Variants in ZNF736 observed in about 807,000 individuals in gnomAD.
ZNF736 encodes KRAB-containing zinc-finger repressor protein.
In ZNF736, 6 loss-of-function variants were observed where a neutral mutation model predicts 11.7. The observed-to-expected ratio is 0.51, with a 90% confidence interval of 0.28 to 1.01. ZNF736 has a LOEUF of 1.01. ZNF736 is among the 50% of genes least tolerant of loss of function. ZNF736 has a pLI of 0.09. For synonymous variants in ZNF736, 139 were observed against 164.7 expected (o/e 0.84, Z 1.19); for missense variants, 444 against 496.0 (o/e 0.90, Z 1.00).
In ZNF736 at chr7:64,353,924, A is replaced by G. The variant is rs1046039897; in HGVS notation, c.*4777A>G. 3.3e-5 allele frequency: 5 copies of G among 152,216 alleles called. No homozygotes were observed. Among genetic ancestry groups the G allele is most frequent in the South Asian group, 2.1e-4 (1 of 4,836 alleles). 9.4% of individuals were successfully genotyped at this position (152,216 alleles called of 1,614,324 possible). A position where few individuals can be genotyped will look rare whatever the true frequency, so the allele number is the denominator to read the frequency against. ...AAACCAAAATTATTGTTATTGTGTT[A>G]AGGCTATTTTACATTGAATGTGTAT... On this transcript the variant is annotated 3_prime_UTR_variant, in exon 4 of 4. Transcript: ENST00000423484.
rs1286436320 is a variant in ZNF736 at position 64,348,894 on chromosome 7, A to G, written c.1031A>G (p.Glu344Gly). 1.4e-5 allele frequency: 22 copies of G among 1,608,750 alleles called. No homozygotes were observed. The highest frequency in any genetic ancestry group is 1.8e-5 in the Non-Finnish European group (21 of 1,177,366). ...ACTGGAGAGAAACCCTACATCTGTG[A>G]AGAATGTGGCAAAGCCTTTACCCGC... Reference protein sequence around the residue: ...IHTGEKPYICEECGKAFTRSS... With the variant: ...IHTGEKPYICGECGKAFTRSS... The change falls in exon 4 of 4, where the codon GAA becomes GGA. Residue 344 changes from glutamate (E) to glycine (G), a missense_variant. Transcript: ENST00000423484.
chr7:64,348,162 T>C lies in ZNF736; in HGVS notation c.299T>C (p.Leu100Pro), dbSNP rs2115969699. Residue 100 changes from leucine to proline, a missense_variant, in exon 4 of 4, where the codon CTG becomes CCG. Physicochemically the swap from Leu to Pro is moderately conservative, Grantham distance 98 (BLOSUM62 -3). Coordinates refer to ENST00000423484, the MANE Select transcript of ZNF736 (RefSeq NM_001170905.3). ...AAAGATTCATTTCAAAAAGTGATTC[T>C]GAGAAAATATGGAAGCTGTGACCTT... ...DIKDSFQKVI[L>P]RKYGSCDLNN... 1 of 1,549,582 alleles carries C rather than the reference T, an allele frequency of 6.5e-7. No individual in the cohort carries two copies. The highest frequency in any genetic ancestry group is 8.7e-7 in the Non-Finnish European group (1 of 1,146,454).
chr7:64,340,495 C>T (rs1453082960), intron 3 of ZNF736, among the ~76,000 whole-genome samples: 1 of 152,154 alleles, frequency 6.6e-6, no homozygotes, highest in Non-Finnish European at 1.5e-5. Context: ...TATATGAGGA[C>T]CTGCCTTTTC....
At position 64,325,525 on chromosome 7, in the gene ZNF736, G is replaced by C. The variant is rs1193683435; in HGVS notation, c.4-10734G>C. On this transcript the variant is annotated intron_variant, in intron 1 of 3. Coordinates refer to ENST00000423484, the MANE Select transcript of ZNF736 (RefSeq NM_001170905.3). Reference sequence around the variant, plus strand: ...ACCCAATGCCACTCGTCGGGTGCCTGATTAAAATGCCTACTGGAAATCAGA... The same window carrying C: ...ACCCAATGCCACTCGTCGGGTGCCTCATTAAAATGCCTACTGGAAATCAGA... Among the ~76,000 whole-genome samples the C allele has an allele frequency of 5.3e-5, 8 of 152,288 alleles. No homozygotes were observed. The East Asian group carries it at 1.5e-3, about 29-fold the overall frequency.
intron 3 of ZNF736, among the ~76,000 whole-genome samples, chr7:64,340,417 T>A (rs1306468042): frequency 1.5e-5 from 2 of 131,626 alleles, no homozygotes; most frequent in Non-Finnish European, 3.2e-5. Context: ...GAATTTTAAG[T>A]CAAGTCAAAA....
chr7:64,327,038 C>T (rs1789092393), intron 1 of ZNF736, among the ~76,000 whole-genome samples: 1 of 152,092 alleles, frequency 6.6e-6, no homozygotes, highest in Non-Finnish European at 1.5e-5. Flanking sequence ...TGATGAAATG[C>T]TTTGTAAATT....
rs1789456774 is a variant in ZNF736, at chr7:64,349,404, C to G, written c.*257C>G. ...TCAGAAACTAGGATTGCAACCCCTG[C>G]TTCTTTTCCTGTTTTCTATTTGCTT... On this transcript the variant is annotated 3_prime_UTR_variant, in exon 4 of 4. Coordinates refer to ENST00000423484, the MANE Select transcript of ZNF736 (RefSeq NM_001170905.3). The G allele has an allele frequency of 3.1e-6, 1 of 317,564 alleles. No individual in the cohort carries two copies. The highest frequency in any genetic ancestry group is 5.7e-6 in the Non-Finnish European group (1 of 175,064). The allele number at this position is 317,564 out of a possible 1,614,324, so 19.7% of individuals were successfully genotyped here.
At chr7:64,326,942 T>C (rs1789090964) in intron 1 of ZNF736, among the ~76,000 whole-genome samples, 1 of 152,162 alleles carries the variant, frequency 6.6e-6, no homozygotes, top group Non-Finnish European at 1.5e-5. Flanking sequence ...GAGATTATTT[T>C]AAGAGTTATT....
intron 3 of ZNF736, among the ~76,000 whole-genome samples, chr7:64,345,770 TTA>T (rs1268386962): frequency 6.7e-6 from 1 of 150,198 alleles, no homozygotes; most frequent in East Asian, 1.9e-4. Flanking sequence ...TGTTTAATTT[TTA>T]TGTTTTTTGA....
chr7:64,319,489 C>CTTT (rs1220637935), intron 1 of ZNF736, among the ~76,000 whole-genome samples: 17 of 55,730 alleles, frequency 3.1e-4, no homozygotes, highest in East Asian at 1.1e-3. Flanking sequence ...CATTTCTTCC[C>CTTT]TTTTTTTTTT....
intron 3 of ZNF736, among the ~76,000 whole-genome samples, chr7:64,344,138 A>G (rs946328339): frequency 6.6e-6 from 1 of 152,084 alleles, no homozygotes; most frequent in Non-Finnish European, 1.5e-5. Context: ...CCCCGTCTCT[A>G]GTAAAAATAT....
rs1285685565 is a variant in ZNF736 at position 64,348,399 on chromosome 7, G to A, written c.536G>A (p.Gly179Asp). 2 of 1,550,850 alleles carry A rather than the reference G, an allele frequency of 1.3e-6. No individual in the cohort carries two copies. The highest frequency in any genetic ancestry group is 1.7e-6 in the Non-Finnish European group (2 of 1,146,842). ...REKCHKCEEC[G>D]KDCRLFSDFT... Reference sequence around the variant, plus strand: ...AAATGCCACAAATGTGAAGAATGTGGCAAAGACTGTAGGTTGTTCTCAGAT... The same window carrying A: ...AAATGCCACAAATGTGAAGAATGTGACAAAGACTGTAGGTTGTTCTCAGAT... Residue 179 changes from glycine to aspartate, a missense_variant, in exon 4 of 4, where the codon GGC (glycine) becomes GAC (aspartate). Gly to Asp is a moderately conservative substitution (Grantham distance 94). Transcript: ENST00000423484.
chr7:64,334,976 G>A lies in ZNF736; in HGVS notation c.4-1283G>A, dbSNP rs187438810. Among the ~76,000 whole-genome samples, 373 of 152,266 alleles carry A rather than the reference G, an allele frequency of 2.4e-3. No homozygotes were observed. In the Middle Eastern group the frequency reaches 0.031, roughly 13 times the overall value. ...CAGCCATAAAAAAGAATGAGTTCAC[G>A]TCCTTTGCTGGGACATGGATGAAGC... On this transcript the variant is annotated intron_variant, in intron 1 of 3. Transcript: ENST00000423484.
intron 3 of ZNF736, among the ~76,000 whole-genome samples, chr7:64,339,670 C>G (rs113672421): frequency 0.012 from 1,740 of 151,020 alleles, 62 homozygotes; most frequent in African/African-American, 0.039. Flanking sequence ...ACACATCATC[C>G]TGTTTTTATT....
chr7:64,322,590 A>G (rs1789017201), intron 1 of ZNF736, among the ~76,000 whole-genome samples: 1 of 152,222 alleles, frequency 6.6e-6, no homozygotes, highest in South Asian at 2.1e-4. Flanking sequence ...GACATCTAAT[A>G]GAGAAGAAAG....
At chr7:64,337,841 G>A (rs887163224) in intron 3 of ZNF736, among the ~76,000 whole-genome samples, 15 of 143,164 alleles carry the variant, frequency 1.0e-4, no homozygotes, top group South Asian at 4.6e-4. Context: ...TGCAACCTCC[G>A]CCTCCCAGGT....
intron 1 of ZNF736, among the ~76,000 whole-genome samples, chr7:64,315,648 T>G (rs1157929869): frequency 6.6e-6 from 1 of 152,164 alleles, no homozygotes; most frequent in Admixed American, 6.5e-5. Context: ...TGCTAGCTAT[T>G]TAATTATTTT....
At chr7:64,332,834 C>T (rs1003940918) in intron 1 of ZNF736, among the ~76,000 whole-genome samples, 1 of 152,150 alleles carries the variant, frequency 6.6e-6, no homozygotes, top group Non-Finnish European at 1.5e-5. Context: ...TTTATAGGCT[C>T]TCTGCAAGAA....
chr7:64,342,884 A>T (rs183624504), intron 3 of ZNF736, among the ~76,000 whole-genome samples: 1 of 152,140 alleles, frequency 6.6e-6, no homozygotes, highest in South Asian at 2.1e-4. Context: ...ATTTTATTTT[A>T]TTCCATATTG....
Sources: gnomAD v4.1 joint callset for allele counts (sites outside exome capture counted in the v4.1 genomes callset) on GRCh38, gnomAD v4.1.1 for gene constraint, MANE v1.5 for transcripts, NCBI Gene and HGNC (gene_info 2026-07-23, HGNC 2026-07-21) for gene names.